The following ZNF100 variants were observed in gnomAD, a reference collection of about 807,000 sequenced individuals.
ZNF100 encodes zinc finger protein 100 (Y1).
A neutral mutation model predicts 15.8 loss-of-function variants in ZNF100; 12 were observed. That is an observed-to-expected ratio of 0.76 (90% CI 0.49 to 1.23). The LOEUF is 1.23. ZNF100 is among the 50% of genes most tolerant of loss of function. The pLI, the probability that ZNF100 is intolerant of heterozygous loss-of-function variation, is 0.00. For missense variants in ZNF100, 670 were observed against 635.6 expected, an observed-to-expected ratio of 1.05 and a Z score of -0.58; for synonymous variants, 226 against 214.8, an observed-to-expected ratio of 1.05 and a Z score of -0.45.
chr19:21,748,808 G>T (rs1396412636), intron 2 of ZNF100, among the ~76,000 whole-genome samples: 1 of 152,174 alleles, frequency 6.6e-6, no homozygotes, highest in Non-Finnish European at 1.5e-5. Flanking sequence ...GGGTTCAAGT[G>T]ATTCTCCTGC....
intron 4 of ZNF100, among the ~76,000 whole-genome samples, chr19:21,737,931 AAAACTT>A (rs1266578557): frequency 6.6e-6 from 1 of 152,120 alleles, no homozygotes; most frequent in Non-Finnish European, 1.5e-5. Flanking sequence ...AACAACAACA[AAAACTT>A]AAAACCAATA....
intron 4 of ZNF100, among the ~76,000 whole-genome samples, chr19:21,735,813 G>A (rs186315287): frequency 6.6e-6 from 1 of 152,046 alleles, no homozygotes; most frequent in African/African-American, 2.4e-5. Context: ...TTTTGAGACG[G>A]AGTCTTACTC....
chr19:21,767,135 C>T (rs1198042832), intron 1 of ZNF100, among the ~76,000 whole-genome samples: 2 of 152,236 alleles, frequency 1.3e-5, no homozygotes, highest in African/African-American at 2.4e-5. Flanking sequence ...CCTGACGACC[C>T]TCCCGTGGTC....
At chr19:21,737,772 G>A (rs569619981) in intron 4 of ZNF100, among the ~76,000 whole-genome samples, 214 of 152,240 alleles carry the variant, frequency 1.4e-3, no homozygotes, top group Admixed American at 3.9e-3. Flanking sequence ...GGACCAGATG[G>A]ATTTACAGCT....
At chr19:21,749,196 C>T (rs1568305312) in intron 2 of ZNF100, among the ~76,000 whole-genome samples, 1 of 151,750 alleles carries the variant, frequency 6.6e-6, no homozygotes, top group Non-Finnish European at 1.5e-5. Context: ...TTTGAGTCAC[C>T]GGACCTCCTC....
At chr19:21,751,448 C>T in intron 2 of ZNF100, 1 of 851,856 alleles carries the variant, frequency 1.2e-6, no homozygotes, top group South Asian at 1.3e-5. Flanking sequence ...TAGTGCTGCA[C>T]AGCTAACAGC....
Position 21,726,910 on chromosome 19 carries a change from G to C in ZNF100, c.1402C>G (p.Arg468Gly). The change falls in exon 5 of 5, where the codon CGG becomes GGG. Residue 468 changes from arginine (R) to glycine (G), a missense_variant. By Grantham distance (125) the Arg-to-Gly change is moderately radical (BLOSUM62 -2). Transcript: ENST00000358296. ...TTATGTGCAGTTAGTTGTGAGGACCGGTTAAAGGCTTTGCCACATTCGTCA... is the reference window on the plus strand; with the variant it reads ...TTATGTGCAGTTAGTTGTGAGGACCCGTTAAAGGCTTTGCCACATTCGTCA... ...KCDECGKAFN[R>G]SSQLTAHKMI... 6.2e-7 allele frequency: 1 copy of C among 1,611,286 alleles called. No individual in the cohort carries two copies. Among genetic ancestry groups the C allele is most frequent in the Non-Finnish European group, 8.5e-7 (1 of 1,179,192 alleles).
chr19:21,726,231 TTGAG>T lies in ZNF100; in HGVS notation c.*448_*451del, dbSNP rs767134994. Reference sequence around the variant, plus strand: ...TTTATTGAGTATGAACTCTCTGATGTTGAGTAAGATGTGAGCATGTATTAATGGC... The same window carrying T: ...TTTATTGAGTATGAACTCTCTGATGTTAAGATGTGAGCATGTATTAATGGC... On this transcript the variant is annotated 3_prime_UTR_variant, in exon 5 of 5. Coordinates refer to ENST00000358296, the MANE Select transcript of ZNF100 (RefSeq NM_173531.4). 4.5e-4 allele frequency: 71 copies of T among 158,398 alleles called. 1 individual carries two copies. The highest frequency in any genetic ancestry group is 1.5e-3 in the African/African-American group (63 of 41,668). The allele number at this position is 158,398 out of a possible 1,614,324, so 9.8% of individuals were successfully genotyped here.
At position 21,726,886 on chromosome 19, in the gene ZNF100, T is replaced by G. The variant is rs889806116; in HGVS notation, c.1426A>C (p.Lys476Gln). ...FNRSSQLTAH[K>Q]MIHTGEKPYK... Reference sequence around the variant, plus strand: ...GGTTTCTCTCCAGTATGAATCATCTTATGTGCAGTTAGTTGTGAGGACCGG... The same window carrying G: ...GGTTTCTCTCCAGTATGAATCATCTGATGTGCAGTTAGTTGTGAGGACCGG... The change falls in exon 5 of 5, where the codon AAG becomes CAG. Residue 476 changes from lysine to glutamine, a missense_variant. Lys to Gln is a moderately conservative substitution (Grantham distance 53). Coordinates refer to ENST00000358296, the MANE Select transcript of ZNF100 (RefSeq NM_173531.4). 1.9e-6 allele frequency: 3 copies of G among 1,613,134 alleles called. No individual in the cohort carries two copies. The African/African-American group carries it at 4.0e-5, about 22-fold the overall frequency.
At position 21,724,171 on chromosome 19, in the gene ZNF100, T is replaced by C. The variant is rs2145672102; in HGVS notation, c.*2512A>G. The C allele has an allele frequency of 6.6e-6, 1 of 152,290 alleles. No homozygotes were observed. Among genetic ancestry groups the C allele is most frequent in the South Asian group, 2.1e-4 (1 of 4,826 alleles). The allele number at this position is 152,290 out of a possible 1,614,324, so 9.4% of individuals were successfully genotyped here. On this transcript the variant is annotated 3_prime_UTR_variant, in exon 5 of 5. Coordinates refer to ENST00000358296, the MANE Select transcript of ZNF100 (RefSeq NM_173531.4). ...GAACTATAAGCCACAGAATGTACAG[T>C]AATAAATTCAATACAAAGCAGAGAA... is the stretch of plus-strand genomic sequence containing the variant.
chr19:21,729,068 C>A (rs947774652), intron 4 of ZNF100, among the ~76,000 whole-genome samples: 2 of 151,910 alleles, frequency 1.3e-5, no homozygotes, highest in African/African-American at 4.8e-5. Flanking sequence ...TATATAAGCA[C>A]AATTTCAAAA....
intron 2 of ZNF100, 91 bp from the exon 3 acceptor site, chr19:21,745,158 A>G (rs2036189891): frequency 6.6e-7 from 1 of 1,523,782 alleles, no homozygotes; most frequent in African/African-American, 1.4e-5. Flanking sequence ...TGACAGAGCA[A>G]AGAGAATTGG....
intron 4 of ZNF100, among the ~76,000 whole-genome samples, chr19:21,734,527 T>A (rs2035975553): frequency 1.3e-5 from 2 of 151,764 alleles, no homozygotes; most frequent in Non-Finnish European, 2.9e-5. Flanking sequence ...TAAAAAGGAA[T>A]GAAAAAAATC....
chr19:21,736,655 A>G (rs2036013390), intron 4 of ZNF100, among the ~76,000 whole-genome samples: 2 of 152,236 alleles, frequency 1.3e-5, no homozygotes, highest in African/African-American at 4.8e-5. Flanking sequence ...GAAGTAAAAC[A>G]TTCCTTAGCA....
At chr19:21,764,642 G>T (rs1412350957) in intron 2 of ZNF100, among the ~76,000 whole-genome samples, 2 of 125,550 alleles carry the variant, frequency 1.6e-5, no homozygotes, top group Admixed American at 8.2e-5. Context: ...TCCGTGTGGG[G>T]AAAAAAAAAA....
At chr19:21,756,363 C>A (rs1331382413) in intron 2 of ZNF100, among the ~76,000 whole-genome samples, 1 of 152,152 alleles carries the variant, frequency 6.6e-6, no homozygotes, top group Non-Finnish European at 1.5e-5. Context: ...ACAGTCTCAG[C>A]AGAAAAGCTC....
At position 21,723,013 on chromosome 19, in the gene ZNF100, T is replaced by C. The variant is rs966493345; in HGVS notation, c.*3670A>G. ...TTAACTAATCCGAAAGTTATATTGATAACCAAACTCTCCAGTTAAAAACAA... is the reference window on the plus strand; with the variant it reads ...TTAACTAATCCGAAAGTTATATTGACAACCAAACTCTCCAGTTAAAAACAA... On this transcript the variant is annotated 3_prime_UTR_variant, in exon 5 of 5. Coordinates refer to ENST00000358296, the MANE Select transcript of ZNF100 (RefSeq NM_173531.4). The C allele has an allele frequency of 4.6e-5, 7 of 151,952 alleles. No individual in the cohort carries two copies. Among genetic ancestry groups the C allele is most frequent in the Non-Finnish European group, 7.4e-5 (5 of 67,998 alleles). The allele number at this position is 151,952 out of a possible 1,614,324, so 9.4% of individuals were successfully genotyped here. A position where few individuals can be genotyped will look rare whatever the true frequency, so the allele number is the denominator to read the frequency against.
intron 4 of ZNF100, among the ~76,000 whole-genome samples, chr19:21,735,489 A>G (rs2035992102): frequency 7.4e-6 from 1 of 134,734 alleles, no homozygotes; most frequent in South Asian, 2.7e-4. Flanking sequence ...CGACCGTGTA[A>G]GACTCTGTCT....
chr19:21,741,537 G>A (rs1157438644), intron 4 of ZNF100, among the ~76,000 whole-genome samples: 2 of 151,964 alleles, frequency 1.3e-5, no homozygotes, highest in African/African-American at 2.4e-5. Flanking sequence ...ACAAGGCCCC[G>A]CTAATTTTTG....
Sources: allele counts gnomAD v4.1 joint callset (sites outside exome capture counted in the v4.1 genomes callset), GRCh38; gene constraint gnomAD v4.1.1; transcripts MANE v1.5; gene names NCBI Gene and HGNC (gene_info 2026-07-23, HGNC 2026-07-21).